The following SGCZ variants were observed in gnomAD, a reference collection of about 807,000 sequenced individuals.
SGCZ encodes the protein zeta-sarcoglycan.
In SGCZ, 40 loss-of-function variants were observed where a neutral mutation model predicts 41.3. The observed-to-expected ratio is 0.97, with a 90% CI of 0.75 to 1.26. SGCZ has a LOEUF of 1.26. SGCZ is among the 50% of genes most tolerant of loss of function. SGCZ has a pLI of 0.00. For synonymous variants in SGCZ, 206 were observed against 137.5 expected (o/e 1.50, Z -3.49); for missense variants, 552 against 369.8 (o/e 1.49, Z -4.04).
intron 1 of SGCZ, among the ~76,000 whole-genome samples, chr8:14,994,549 A>C (rs1282575160): frequency 6.6e-6 from 1 of 151,174 alleles, no homozygotes; most frequent in Non-Finnish European, 1.5e-5. Flanking sequence ...GTGCCACTGC[A>C]CTCCAGCCTA....
chr8:15,135,643 T>A (rs953281247), intron 1 of SGCZ, among the ~76,000 whole-genome samples: 4 of 152,170 alleles, frequency 2.6e-5, no homozygotes, highest in African/African-American at 4.8e-5. Context: ...TGTGGCTCTG[T>A]ATTTTGATTA....
intron 4 of SGCZ, among the ~76,000 whole-genome samples, chr8:14,221,112 A>G (rs1806178323): frequency 1.3e-5 from 2 of 152,238 alleles, no homozygotes; most frequent in Admixed American, 6.5e-5. Flanking sequence ...AAACGGAAAT[A>G]TAAATCACTC....
chr8:15,236,940 C>T (rs533934766), intron 1 of SGCZ, among the ~76,000 whole-genome samples: 1 of 152,294 alleles, frequency 6.6e-6, no homozygotes, highest in South Asian at 2.1e-4. Context: ...GACCTGCTCC[C>T]GCGCCTGGGG....
intron 1 of SGCZ, among the ~76,000 whole-genome samples, chr8:14,788,043 T>C (rs779127278): frequency 6.6e-6 from 1 of 152,176 alleles, no homozygotes. Flanking sequence ...AAAATGTTGC[T>C]AGATTCTGGA....
At chr8:14,225,944 T>C (rs1806357733) in intron 4 of SGCZ, among the ~76,000 whole-genome samples, 1 of 152,086 alleles carries the variant, frequency 6.6e-6, no homozygotes, top group African/African-American at 2.4e-5. Flanking sequence ...TACACACGTA[T>C]CATAGACCTT....
chr8:14,125,248 A>G (rs538341016), intron 5 of SGCZ, among the ~76,000 whole-genome samples: 176 of 152,194 alleles, frequency 1.2e-3, no homozygotes, highest in African/African-American at 4.0e-3. Context: ...TTGGGAGGCC[A>G]AGGTGGGTGG....
At chr8:14,444,658 G>A (rs1442447873) in intron 2 of SGCZ, among the ~76,000 whole-genome samples, 1 of 129,052 alleles carries the variant, frequency 7.7e-6, no homozygotes, top group Non-Finnish European at 1.6e-5. Flanking sequence ...TATGGGGACT[G>A]TTGTGGGGTG....
chr8:14,646,392 T>C (rs1214714005), intron 1 of SGCZ, among the ~76,000 whole-genome samples: 1 of 151,928 alleles, frequency 6.6e-6, no homozygotes, highest in East Asian at 1.9e-4. Flanking sequence ...TTTTTCTTTT[T>C]CATGGCTGCA....
intron 1 of SGCZ, among the ~76,000 whole-genome samples, chr8:15,008,334 A>G (rs547965837): frequency 1.1e-4 from 16 of 151,834 alleles, no homozygotes; most frequent in Non-Finnish European, 2.2e-4. Flanking sequence ...TGATATTTTC[A>G]TTGTTTTAGT....
intron 1 of SGCZ, among the ~76,000 whole-genome samples, chr8:15,217,277 C>A (rs966193031): frequency 6.6e-6 from 1 of 151,516 alleles, no homozygotes; most frequent in Admixed American, 6.6e-5. Context: ...ATTAGCCGGG[C>A]GTGTTGGCGG....
At chr8:14,351,067 G>A (rs113599852) in intron 2 of SGCZ, among the ~76,000 whole-genome samples, 1 of 152,034 alleles carries the variant, frequency 6.6e-6, no homozygotes, top group African/African-American at 2.4e-5. Context: ...TACTTCTGTA[G>A]TGGCATTTTG....
chr8:14,491,540 C>T (rs1428409449), intron 2 of SGCZ, among the ~76,000 whole-genome samples: 1 of 152,226 alleles, frequency 6.6e-6, no homozygotes, highest in Middle Eastern at 3.4e-3. Context: ...CAAGGAGTTA[C>T]AAGATCCTAA....
rs1248656885 is a variant in SGCZ, at chr8:14,522,533, T to A, written c.234+32199A>T. Among the ~76,000 whole-genome samples the A allele has an allele frequency of 2.6e-5, 4 of 151,952 alleles. No individual in the cohort carries two copies. The South Asian group carries it at 8.3e-4, about 31-fold the overall frequency. On this transcript the variant is annotated intron_variant, in intron 2 of 7. Coordinates refer to ENST00000382080, the MANE Select transcript of SGCZ (RefSeq NM_139167.4). The stretch of plus-strand genomic sequence containing the variant: ...GAAAGTTGCTTCTATTATTTCCTTT[T>A]TTATCCTTTTGATGTCTGCAGAGCC...
At chr8:14,453,523 C>T (rs1159627573) in intron 2 of SGCZ, among the ~76,000 whole-genome samples, 2 of 152,072 alleles carry the variant, frequency 1.3e-5, no homozygotes, top group Non-Finnish European at 2.9e-5. Context: ...TAAAATCTGC[C>T]TGCAGGGAGA....
At chr8:14,153,906 C>G (rs980368532) in intron 5 of SGCZ, among the ~76,000 whole-genome samples, 5 of 72,300 alleles carry the variant, frequency 6.9e-5, no homozygotes, top group South Asian at 4.5e-4. Flanking sequence ...CTGTCTGTCT[C>G]TCTCTCTCTC....
intron 1 of SGCZ, among the ~76,000 whole-genome samples, chr8:15,057,450 G>C (rs912462647): frequency 2.0e-5 from 3 of 152,070 alleles, no homozygotes; most frequent in African/African-American, 7.2e-5. Context: ...AATCATCAAA[G>C]GTTCCCCCAT....
At chr8:14,828,918 C>T (rs1206660969) in intron 1 of SGCZ, among the ~76,000 whole-genome samples, 1 of 152,048 alleles carries the variant, frequency 6.6e-6, no homozygotes, top group African/African-American at 2.4e-5. Flanking sequence ...TAGTAGACAT[C>T]CATCTTAACA....
At chr8:15,078,147 CTTTTTTTTTTTTT>C (rs34411963) in intron 1 of SGCZ, among the ~76,000 whole-genome samples, 4,738 of 44,822 alleles carry the variant, frequency 0.11, 179 homozygotes, top group Non-Finnish European at 0.15. Context: ...AGGAACTCTT[CTTTTTTTTTTTTT>C]TTTTTTTTTT....
At chr8:14,730,202 G>A (rs1307552573) in intron 1 of SGCZ, among the ~76,000 whole-genome samples, 4 of 152,174 alleles carry the variant, frequency 2.6e-5, no homozygotes, top group Non-Finnish European at 5.9e-5. Flanking sequence ...GTTTTCTGGA[G>A]TGCCGCACGA....
Sources: gnomAD v4.1 joint callset for allele counts (sites outside exome capture counted in the v4.1 genomes callset) on GRCh38, gnomAD v4.1.1 for gene constraint, MANE v1.5 for transcripts, NCBI Gene and HGNC (gene_info 2026-07-23, HGNC 2026-07-21) for gene names.